Variants in ACAN observed in about 807,000 individuals in gnomAD.
ACAN encodes aggrecan core protein.
Under a neutral mutation model 169.1 loss-of-function variants are expected in ACAN, and 47 were observed. The ratio of observed to expected loss-of-function variants is 0.28; its 90% confidence interval spans 0.22 to 0.35. ACAN has a LOEUF of 0.35. Ranked by LOEUF, ACAN falls within the 10% of genes least tolerant of loss-of-function variation. The pLI is 1.00. For missense variants in ACAN, 2,716 were observed against 2,759.9 expected (o/e 0.98, Z 0.36); for synonymous variants, 1,115 against 1,112.2 (o/e 1.00, Z -0.05).
At chr15:88,859,540 C>A in intron 12 of ACAN, 123 bp downstream of exon 12, 1 of 1,317,452 alleles carries the variant, frequency 7.6e-7, no homozygotes, top group Non-Finnish European at 1.1e-6. Flanking sequence ...GTTAGCTGTG[C>A]AGCCTCAGGC....
chr15:88,841,075 G>A (rs1024760981), intron 4 of ACAN, among the ~76,000 whole-genome samples: 5 of 152,252 alleles, frequency 3.3e-5, no homozygotes, highest in Non-Finnish European at 7.3e-5. Context: ...AACCCGGGAG[G>A]TGGAGCTTGC....
chr15:88,830,781 T>C (rs775602576), intron 1 of ACAN, among the ~76,000 whole-genome samples: 19 of 152,188 alleles, frequency 1.2e-4, no homozygotes, highest in African/African-American at 1.7e-4. Flanking sequence ...TAGTGCATTA[T>C]TGTACACTGG....
In ACAN at chr15:88,857,440, G is replaced by C. The variant is rs764412011; in HGVS notation, c.4855G>C (p.Ala1619Pro). 7.4e-6 allele frequency: 12 copies of C among 1,613,924 alleles called. No homozygotes were observed. The highest frequency in any genetic ancestry group is 1.0e-5 in the Non-Finnish European group (12 of 1,179,900). The change falls in exon 12 of 19, where the codon GCT becomes CCT. Residue 1619 changes from alanine (A) to proline (P), a missense_variant. Transcript: ENST00000560601. ...LPSGTLGSGQ[A>P]PETSGLPSGF... ...TTCTGGAACTCTAGGAAGTGGGCAA[G>C]CTCCAGAAACAAGTGGTCTTCCCTC...
chr15:88,839,971 T>A lies in ACAN; in HGVS notation c.455-41T>A. On this transcript the variant is annotated intron_variant, in intron 3 of 18. Coordinates refer to ENST00000560601, the MANE Select transcript of ACAN (RefSeq NM_001369268.1). The surrounding 1 kb of genome is among the most constrained non-coding windows in gnomAD (Gnocchi z 4.5). ...GGCCTCGGTGATCAGAGACTGTGCC[T>A]GACCAGCTCTTCCGCTTGTGGGCGT... 16 of 1,568,080 alleles carry A rather than the reference T, an allele frequency of 1.0e-5. No individual in the cohort carries two copies. Among genetic ancestry groups the A allele is most frequent in the Non-Finnish European group, 1.4e-5 (16 of 1,154,284 alleles).
Position 88,803,758 on chromosome 15 carries a change from C to G in ACAN, c.-59C>G, listed in dbSNP as rs1375045830. On this transcript the variant is annotated 5_prime_UTR_variant, in exon 1 of 19. Transcript: ENST00000560601. ...CGGCCCCAGGAGCCCCCAGCTGCCTCGCCAGGTGTGTGGGACTGAAGTTCT... is the reference window on the plus strand; with the variant it reads ...CGGCCCCAGGAGCCCCCAGCTGCCTGGCCAGGTGTGTGGGACTGAAGTTCT... 1 of 152,206 alleles carries G rather than the reference C, an allele frequency of 6.6e-6. No homozygotes were observed. The highest frequency in any genetic ancestry group is 1.9e-4 in the East Asian group (1 of 5,136). 9.4% of individuals were successfully genotyped at this position (152,206 alleles called of 1,614,324 possible). A position where few individuals can be genotyped will look rare whatever the true frequency, so the allele number is the denominator to read the frequency against.
chr15:88,832,867 T>C (rs866246339), intron 1 of ACAN, among the ~76,000 whole-genome samples: 3 of 152,178 alleles, frequency 2.0e-5, no homozygotes, highest in African/African-American at 7.2e-5. Flanking sequence ...GTTACACTGA[T>C]GGATGCTTGC....
chr15:88,823,797 G>C (rs1896137277), intron 1 of ACAN, among the ~76,000 whole-genome samples: 1 of 152,120 alleles, frequency 6.6e-6, no homozygotes, highest in Non-Finnish European at 1.5e-5. Flanking sequence ...TGTCTCTGGG[G>C]TCACCTACTA....
chr15:88,858,680 C>T lies in ACAN; in HGVS notation c.6095C>T (p.Pro2032Leu). ...MGTSGEASGLPEVTLITSEFV... is the reference protein window; with the variant it reads ...MGTSGEASGLLEVTLITSEFV... ...ACCAGTGGAGAGGCCTCAGGACTTC[C>T]AGAAGTTACTTTAATCACTTCTGAG... is the stretch of plus-strand genomic sequence containing the variant. The change falls in exon 12 of 19, where the codon CCA becomes CTA. Residue 2032 changes from proline (P) to leucine (L), a missense_variant. Around this residue, in one of 3 missense-constraint regions of ACAN, gnomAD observed 1,389 missense variants for 1,363.7 expected, o/e 1.02. Coordinates refer to ENST00000560601, the MANE Select transcript of ACAN (RefSeq NM_001369268.1). The surrounding 1 kb of genome is among the most constrained non-coding windows in gnomAD (Gnocchi z 4.0). 1 of 1,613,964 alleles carries T rather than the reference C, an allele frequency of 6.2e-7. No individual in the cohort carries two copies. The highest frequency in any genetic ancestry group is 1.7e-4 in the Middle Eastern group (1 of 6,058).
intron 1 of ACAN, among the ~76,000 whole-genome samples, chr15:88,831,632 G>A (rs1367796978): frequency 1.3e-5 from 2 of 152,234 alleles, no homozygotes; most frequent in East Asian, 3.8e-4. Flanking sequence ...CATTAATGCT[G>A]GGAATTATGA....
At chr15:88,812,432 G>T (rs1294073555) in intron 1 of ACAN, among the ~76,000 whole-genome samples, 15 of 152,144 alleles carry the variant, frequency 9.9e-5, no homozygotes, top group Admixed American at 9.8e-4. Flanking sequence ...CCTTAGAGAT[G>T]GTCCTGTCTC....
At position 88,813,035 on chromosome 15, in the gene ACAN, T is replaced by G. The variant is rs141279955; in HGVS notation, c.-8+9226T>G. ...GAACAAAATTAACCCTAGTTAATTT[T>G]GGGTCCCTTCTTAATATGCTGATGG... is the stretch of plus-strand genomic sequence containing the variant. On this transcript the variant is annotated intron_variant, in intron 1 of 18. Transcript: ENST00000560601. 2.2e-4 allele frequency among the ~76,000 whole-genome samples: 34 copies of G among 152,352 alleles called. 1 individual carries two copies. In the East Asian group the frequency reaches 6.4e-3, roughly 29 times the overall value.
At position 88,872,766 on chromosome 15, in the gene ACAN, G is replaced by A; in HGVS notation, c.7303-115G>A. On this transcript the variant is annotated intron_variant, in intron 16 of 18. Coordinates refer to ENST00000560601, the MANE Select transcript of ACAN (RefSeq NM_001369268.1). The surrounding 1 kb of genome is among the most constrained non-coding windows in gnomAD (Gnocchi z 5.4). ...TGTGCTGCTATCAGATGAGCCTGAA[G>A]TTGGTGCTAAAAGAGAAAGGAGATG... The A allele has an allele frequency of 7.6e-7, 1 of 1,307,582 alleles. No individual in the cohort carries two copies. The highest frequency in any genetic ancestry group is 1.0e-6 in the Non-Finnish European group (1 of 954,550). The allele number at this position is 1,307,582 out of a possible 1,614,324, so 81.0% of individuals were successfully genotyped here.
Position 88,807,515 on chromosome 15 carries a change from C to G in ACAN, c.-8+3706C>G, listed in dbSNP as rs996134084. Among the ~76,000 whole-genome samples, 2 of 152,120 alleles carry G rather than the reference C, an allele frequency of 1.3e-5. No individual in the cohort carries two copies. Among genetic ancestry groups the G allele is most frequent in the Non-Finnish European group, 2.9e-5 (2 of 68,002 alleles). On this transcript the variant is annotated intron_variant, in intron 1 of 18. Coordinates refer to ENST00000560601, the MANE Select transcript of ACAN (RefSeq NM_001369268.1). The surrounding 1 kb of genome is among the most constrained non-coding windows in gnomAD (Gnocchi z 4.0). ...CAGATCCAACAGGACACAGCCATCC[C>G]TGCGAGGGAGTCTGGGCCCCTGGAC...
Position 88,873,745 on chromosome 15 carries a change from T to C in ACAN, c.7448-97T>C, listed in dbSNP as rs1897437320. The C allele has an allele frequency of 7.6e-7, 1 of 1,315,138 alleles. No individual in the cohort carries two copies. The highest frequency in any genetic ancestry group is 2.1e-5 in the Admixed American group (1 of 47,734). 81.5% of individuals were successfully genotyped at this position (1,315,138 alleles called of 1,614,324 possible). The stretch of plus-strand genomic sequence containing the variant: ...AACGTCCAGGGCTCACTGTCAGATG[T>C]TGAGGCTGTGTCCCCCACAGTGCCT... On this transcript the variant is annotated intron_variant, in intron 17 of 18. Transcript: ENST00000560601. The surrounding 1 kb of genome is among the most constrained non-coding windows in gnomAD (Gnocchi z 7.5).
At chr15:88,867,565 T>C (rs1482645353) in intron 13 of ACAN, among the ~76,000 whole-genome samples, 3 of 152,200 alleles carry the variant, frequency 2.0e-5, no homozygotes. Flanking sequence ...AGATTCAGGC[T>C]TCATTTTTAT....
chr15:88,839,971 T>C lies in ACAN; in HGVS notation c.455-41T>C. The C allele has an allele frequency of 6.4e-7, 1 of 1,568,080 alleles. No individual in the cohort carries two copies. The highest frequency in any genetic ancestry group is 8.7e-7 in the Non-Finnish European group (1 of 1,154,284). On this transcript the variant is annotated intron_variant, in intron 3 of 18. Transcript: ENST00000560601. The surrounding 1 kb of genome is among the most constrained non-coding windows in gnomAD (Gnocchi z 4.5). ...GGCCTCGGTGATCAGAGACTGTGCC[T>C]GACCAGCTCTTCCGCTTGTGGGCGT...
intron 2 of ACAN, among the ~76,000 whole-genome samples, chr15:88,836,766 G>C (rs566258771): frequency 2.0e-5 from 3 of 152,346 alleles, no homozygotes; most frequent in Admixed American, 1.3e-4. Context: ...GCCCCAGCCT[G>C]GTCTCGTGCA....
chr15:88,836,402 G>C, intron 2 of ACAN, 126 bp downstream of exon 2: 1 of 846,120 alleles, frequency 1.2e-6, no homozygotes, highest in Non-Finnish European at 2.0e-6. Context: ...ACTTTTCCTG[G>C]CCCCACCCTT....
At chr15:88,815,754 A>C (rs1895927354) in intron 1 of ACAN, among the ~76,000 whole-genome samples, 1 of 151,974 alleles carries the variant, frequency 6.6e-6, no homozygotes, top group Non-Finnish European at 1.5e-5. Flanking sequence ...TTGACTACCA[A>C]GTAAGATTGG....
Sources: allele counts gnomAD v4.1 joint callset (sites outside exome capture counted in the v4.1 genomes callset), GRCh38; gene constraint gnomAD v4.1.1; regional missense constraint gnomAD v4.1.1; non-coding constraint Gnocchi (gnomAD v3.1); transcripts MANE v1.5; gene names NCBI Gene and HGNC (gene_info 2026-07-23, HGNC 2026-07-21).